Variants in SNRPN observed in about 807,000 individuals in gnomAD.
The protein encoded by SNRPN is small nuclear ribonucleoprotein polypeptide N.
SNRPN carries 7 observed loss-of-function variants against 25.2 expected under a neutral mutation model. The ratio of observed to expected loss-of-function variants is 0.28; its 90% CI spans 0.16 to 0.52. SNRPN has a LOEUF of 0.52. Ranked by LOEUF, SNRPN falls within the 20% of genes least tolerant of loss-of-function variation. SNRPN has a pLI of 0.96. For synonymous variants in SNRPN, 124 were observed against 110.6 expected (o/e 1.12, Z -0.76); for missense variants, 196 against 322.5 (o/e 0.61, Z 3.00).
intron 1 of SNRPN, among the ~76,000 whole-genome samples, chr15:24,875,627 A>G (rs1351546565): frequency 6.6e-6 from 1 of 152,190 alleles, no homozygotes; most frequent in Non-Finnish European, 1.5e-5. Flanking sequence ...ATGTATGTAT[A>G]AGAGTTTTCC....
At chr15:24,919,477 G>C (rs989738584) in intron 2 of SNRPN, among the ~76,000 whole-genome samples, 1 of 151,688 alleles carries the variant, frequency 6.6e-6, no homozygotes, top group Non-Finnish European at 1.5e-5. Context: ...AGCAAGGTAA[G>C]GGTCACCATG....
intron 3 of SNRPN, among the ~76,000 whole-genome samples, chr15:24,927,128 C>CT (rs1032577532): frequency 2.0e-4 from 30 of 150,892 alleles, no homozygotes; most frequent in South Asian, 1.1e-3. Flanking sequence ...TCCCCCTTTT[C>CT]TTTTTTTTTG....
chr15:24,890,863 A>G (rs1317974390), intron 2 of SNRPN, among the ~76,000 whole-genome samples: 1 of 152,178 alleles, frequency 6.6e-6, no homozygotes, highest in African/African-American at 2.4e-5. Context: ...CTTGTCAGAA[A>G]TAATCACAAC....
intron 1 of SNRPN, among the ~76,000 whole-genome samples, chr15:24,827,664 C>T (rs540656559): frequency 1.5e-4 from 22 of 151,556 alleles, no homozygotes; most frequent in Non-Finnish European, 2.9e-4. Context: ...GTCAGGAGTT[C>T]GAGACCAGCC....
intron 2 of SNRPN, among the ~76,000 whole-genome samples, chr15:24,833,732 A>T (rs1448348670): frequency 6.6e-6 from 1 of 151,948 alleles, no homozygotes. Context: ...CATTAGGAGA[A>T]GGTGAGGTGC....
chr15:24,885,062 A>C (rs969051069), intron 1 of SNRPN, among the ~76,000 whole-genome samples: 2 of 152,194 alleles, frequency 1.3e-5, no homozygotes, highest in Non-Finnish European at 2.9e-5. Context: ...GAGCATGACA[A>C]AATTTACTAT....
At chr15:24,870,397 T>C (rs1417603271) in intron 1 of SNRPN, among the ~76,000 whole-genome samples, 1 of 152,158 alleles carries the variant, frequency 6.6e-6, no homozygotes, top group African/African-American at 2.4e-5. Flanking sequence ...CATATGTTCA[T>C]ATATAACCTG....
At chr15:24,882,756 A>G (rs35181368) in intron 1 of SNRPN, among the ~76,000 whole-genome samples, 18,867 of 147,062 alleles carry the variant, frequency 0.13, 1,477 homozygotes, top group East Asian at 0.23. Flanking sequence ...CCCAGGAGGC[A>G]GATGTTGCAG....
chr15:24,842,328 AC>A (rs2051779609), intron 2 of SNRPN, among the ~76,000 whole-genome samples: 1 of 152,200 alleles, frequency 6.6e-6, no homozygotes, highest in Non-Finnish European at 1.5e-5. Context: ...CTGCAGTGCT[AC>A]AACTGCCTGA....
At position 24,902,337 on chromosome 15, in the gene SNRPN, G is replaced by T. The variant is rs578086289; in HGVS notation, c.-505+15748G>T. 6.0e-4 allele frequency among the ~76,000 whole-genome samples: 92 copies of T among 152,292 alleles called. 1 individual carries two copies. The highest frequency in any genetic ancestry group is 1.7e-3 in the African/African-American group (72 of 41,568). The stretch of plus-strand genomic sequence containing the variant: ...AATGTAGTTGAAATTTAAGTGGTCA[G>T]GGAATGCTATCTAGAGGAAGAAAAT... On this transcript the variant is annotated intron_variant, in intron 2 of 11. Transcript: ENST00000400097.
At chr15:24,847,163 C>T (rs934358912) in intron 2 of SNRPN, among the ~76,000 whole-genome samples, 10 of 152,128 alleles carry the variant, frequency 6.6e-5, no homozygotes, top group Admixed American at 2.6e-4. Flanking sequence ...TTCACCTTAC[C>T]AGCATTTCAA....
At chr15:24,920,175 T>C (rs968491698) in intron 3 of SNRPN, 7 of 152,196 alleles carry the variant, frequency 4.6e-5, no homozygotes, top group African/African-American at 1.7e-4. Flanking sequence ...ACCTTCCACT[T>C]GCATGCACAT....
Position 24,824,121 on chromosome 15 carries a change from A to G in SNRPN, c.-687+271A>G, listed in dbSNP as rs377219581. Among the ~76,000 whole-genome samples the G allele has an allele frequency of 6.9e-4, 105 of 152,262 alleles. 1 individual carries two copies. The South Asian group carries it at 0.021, about 31-fold the overall frequency. ...TTTTAGTGTTTTCCAGAAATTTGCT[A>G]TGAAATACGACTGGTTGAAAAGGAG... On this transcript the variant is annotated intron_variant, in intron 1 of 12. Coordinates refer to the SNRPN transcript ENST00000400100.
intron 2 of SNRPN, among the ~76,000 whole-genome samples, chr15:24,887,665 A>C (rs1347777022): frequency 1.3e-5 from 2 of 152,180 alleles, no homozygotes; most frequent in Non-Finnish European, 2.9e-5. Context: ...CGAAAATTAA[A>C]CTATAGGTGG....
intron 1 of SNRPN, among the ~76,000 whole-genome samples, chr15:24,878,503 C>G (rs923489202): frequency 1.3e-5 from 2 of 152,228 alleles, no homozygotes; most frequent in Non-Finnish European, 2.9e-5. Flanking sequence ...GTCTGTTCCG[C>G]TTATGGCGCC....
intron 2 of SNRPN, among the ~76,000 whole-genome samples, chr15:24,900,108 G>C (rs1374244237): frequency 1.3e-5 from 2 of 152,218 alleles, no homozygotes; most frequent in African/African-American, 4.8e-5. Flanking sequence ...TTGGGAGCCC[G>C]AGTGACTGCT....
intron 2 of SNRPN, among the ~76,000 whole-genome samples, chr15:24,838,113 C>G (rs2051379667): frequency 6.6e-6 from 1 of 151,088 alleles, no homozygotes; most frequent in African/African-American, 2.4e-5. Flanking sequence ...CGGCTCGCTG[C>G]AAGCTCCACC....
At chr15:24,949,592 A>G (rs1267963109) in intron 3 of SNRPN, among the ~76,000 whole-genome samples, 1 of 152,152 alleles carries the variant, frequency 6.6e-6, no homozygotes, top group African/African-American at 2.4e-5. Context: ...TGGAGGCTGC[A>G]GTAAGCCATG....
intron 1 of SNRPN, among the ~76,000 whole-genome samples, chr15:24,955,693 TTGG>T (rs917667380): frequency 2.1e-5 from 3 of 145,078 alleles, no homozygotes; most frequent in African/African-American, 5.1e-5. Context: ...GGGGGTTGTG[TTGG>T]TGGTCGCGGC....
Sources: gnomAD v4.1 joint callset for allele counts (sites outside exome capture counted in the v4.1 genomes callset) on GRCh38, gnomAD v4.1.1 for gene constraint, MANE v1.5 for transcripts, NCBI Gene and HGNC (gene_info 2026-07-23, HGNC 2026-07-21) for gene names.